The following CENPP variants were observed in gnomAD, a reference collection of about 807,000 sequenced individuals.
The protein encoded by CENPP is centromere protein P.
In CENPP, 24 loss-of-function variants were observed where a neutral mutation model predicts 35.6. The ratio of observed to expected loss-of-function variants is 0.67; its 90% confidence interval spans 0.49 to 0.95. The LOEUF is 0.95. CENPP is among the 40% of genes least tolerant of loss of function. The pLI, the probability that CENPP is intolerant of heterozygous loss-of-function variation, is 0.00. For missense variants in CENPP, 332 were observed against 345.3 expected, an observed-to-expected ratio of 0.96 and a Z score of 0.31; for synonymous variants, 120 against 125.5, an observed-to-expected ratio of 0.96 and a Z score of 0.29.
chr9:92,390,590 G>A (rs1371405323), intron 5 of CENPP, among the ~76,000 whole-genome samples: 11 of 151,522 alleles, frequency 7.3e-5, no homozygotes, highest in South Asian at 2.1e-4. Context: ...GTGTGTGTGC[G>A]CGCGCGCGTA....
At chr9:92,341,292 T>C (rs1841110218) in intron 3 of CENPP, among the ~76,000 whole-genome samples, 1 of 152,212 alleles carries the variant, frequency 6.6e-6, no homozygotes, top group Non-Finnish European at 1.5e-5. Flanking sequence ...CCTGTGATCT[T>C]GCCCTGCCTC....
chr9:92,403,183 A>T, intron 5 of CENPP: 2 of 1,275,008 alleles, frequency 1.6e-6, no homozygotes, highest in Non-Finnish European at 2.2e-6. Flanking sequence ...AAAAACATGC[A>T]TTTAAATGGG....
rs1304539495 is a variant in CENPP at position 92,349,202 on chromosome 9, CAG to C, written c.467+3418_467+3419del. Among the ~76,000 whole-genome samples, 3 of 152,146 alleles carry C rather than the reference CAG, an allele frequency of 2.0e-5. No individual in the cohort carries two copies. In the East Asian group the frequency reaches 5.8e-4, roughly 29 times the overall value. Reference sequence around the variant, plus strand: ...TTCTATTAACCTATCTGCAACTTCGCAGAGTCTTTCCTCTGTTGCAGTACTGT... The same window carrying C: ...TTCTATTAACCTATCTGCAACTTCGCAGTCTTTCCTCTGTTGCAGTACTGT... On this transcript the variant is annotated intron_variant, in intron 4 of 7. Coordinates refer to ENST00000375587, the MANE Select transcript of CENPP (RefSeq NM_001012267.3).
At chr9:92,564,262 A>G (rs991793723) in intron 5 of CENPP, among the ~76,000 whole-genome samples, 1 of 151,820 alleles carries the variant, frequency 6.6e-6, no homozygotes, top group Non-Finnish European at 1.5e-5. Context: ...GATGGCGCAC[A>G]CCTGTAATCC....
intron 4 of CENPP, among the ~76,000 whole-genome samples, chr9:92,378,800 G>T (rs1842180044): frequency 1.3e-5 from 2 of 152,192 alleles, no homozygotes; most frequent in South Asian, 4.1e-4. Flanking sequence ...AAAGGAGTGA[G>T]ATTATTTCTA....
chr9:92,436,466 T>C (rs1462411275), intron 5 of CENPP, among the ~76,000 whole-genome samples: 1 of 152,230 alleles, frequency 6.6e-6, no homozygotes, highest in Non-Finnish European at 1.5e-5. Context: ...GTGTCATATC[T>C]AAGAACTCTT....
chr9:92,437,416 G>GTTT (rs778397559), intron 5 of CENPP, among the ~76,000 whole-genome samples: 3 of 137,402 alleles, frequency 2.2e-5, no homozygotes, highest in South Asian at 2.4e-4. Flanking sequence ...TTTTTGTTTT[G>GTTT]TTTTTTTTTT....
chr9:92,346,791 G>A (rs2130805761), intron 4 of CENPP, among the ~76,000 whole-genome samples: 1 of 152,252 alleles, frequency 6.6e-6, no homozygotes, highest in Non-Finnish European at 1.5e-5. Context: ...GGGATAATTA[G>A]GAAGCAAAAA....
At chr9:92,545,465 C>T (rs995956031) in intron 5 of CENPP, among the ~76,000 whole-genome samples, 6 of 152,320 alleles carry the variant, frequency 3.9e-5, no homozygotes, top group Non-Finnish European at 8.8e-5. Context: ...GATTTCTCGT[C>T]GGGCCTTAGC....
chr9:92,352,538 T>TATAA lies in CENPP; in HGVS notation c.467+6752_467+6753insTAAA, dbSNP rs1464334295. The stretch of plus-strand genomic sequence containing the variant: ...ATATATATATATATATATATATATA[T>TATAA]AATATAACGGGGAGTTTATTAAATA... On this transcript the variant is annotated intron_variant, in intron 4 of 7. Coordinates refer to ENST00000375587, the MANE Select transcript of CENPP (RefSeq NM_001012267.3). 2.4e-4 allele frequency among the ~76,000 whole-genome samples: 27 copies of TATAA among 114,420 alleles called. 2 individuals carry two copies. The highest frequency in any genetic ancestry group is 1.0e-3 in the African/African-American group (26 of 24,936). 75.1% of individuals were successfully genotyped at this position (114,420 alleles called of 152,430 possible).
At chr9:92,335,966 G>T (rs1840913507) in intron 2 of CENPP, among the ~76,000 whole-genome samples, 1 of 152,214 alleles carries the variant, frequency 6.6e-6, no homozygotes, top group South Asian at 2.1e-4. Flanking sequence ...ACTGATCAAA[G>T]TTGGGAAGAA....
chr9:92,513,732 G>A (rs192041131), intron 5 of CENPP, among the ~76,000 whole-genome samples: 4 of 152,334 alleles, frequency 2.6e-5, no homozygotes, highest in Non-Finnish European at 5.9e-5. Context: ...AGGCAAAACT[G>A]TAGAGACAGA....
intron 3 of CENPP, among the ~76,000 whole-genome samples, chr9:92,341,423 G>A (rs921676144): frequency 2.6e-5 from 4 of 151,718 alleles, no homozygotes; most frequent in East Asian, 1.9e-4. Flanking sequence ...TTTGTGGCTC[G>A]TGGGGCATCA....
At chr9:92,600,630 T>A (rs1850887996) in intron 5 of CENPP, 1 of 1,499,802 alleles carries the variant, frequency 6.7e-7, no homozygotes. Flanking sequence ...AGTCATGCCC[T>A]GGTCGGCCAT....
intron 5 of CENPP, among the ~76,000 whole-genome samples, chr9:92,575,766 T>C (rs1564008779): frequency 6.6e-6 from 1 of 151,772 alleles, no homozygotes; most frequent in African/African-American, 2.4e-5. Flanking sequence ...GAGCCGAGAT[T>C]GCACCACTGC....
chr9:92,520,536 G>A (rs767010783), intron 5 of CENPP, among the ~76,000 whole-genome samples: 2 of 152,128 alleles, frequency 1.3e-5, no homozygotes, highest in African/African-American at 2.4e-5. Context: ...TAGCCACTTT[G>A]GAAAACATTT....
At chr9:92,344,408 G>A (rs1257469682) in intron 3 of CENPP, among the ~76,000 whole-genome samples, 1 of 151,422 alleles carries the variant, frequency 6.6e-6, no homozygotes, top group East Asian at 1.9e-4. Context: ...TTTTTTTTCT[G>A]GTAACAGTTC....
intron 5 of CENPP, among the ~76,000 whole-genome samples, chr9:92,520,292 G>A (rs1326501141): frequency 1.3e-5 from 2 of 151,772 alleles, no homozygotes; most frequent in African/African-American, 2.4e-5. Context: ...CTTAAAAAAA[G>A]AAAGAAATAG....
intron 5 of CENPP, among the ~76,000 whole-genome samples, chr9:92,487,145 G>T (rs1383553426): frequency 6.6e-6 from 1 of 152,154 alleles, no homozygotes; most frequent in Non-Finnish European, 1.5e-5. Context: ...ACAAGTAATG[G>T]TTTTGTTTTA....
Sources: allele counts gnomAD v4.1 joint callset (sites outside exome capture counted in the v4.1 genomes callset), GRCh38; gene constraint gnomAD v4.1.1; transcripts MANE v1.5; gene names NCBI Gene and HGNC (gene_info 2026-07-23, HGNC 2026-07-21).